The following DOK5 variants were observed in gnomAD, a reference collection of about 807,000 sequenced individuals.
DOK5 encodes docking protein 5, also known as downstream of tyrosine kinase 5.
DOK5 carries 27 observed loss-of-function variants against 43.3 expected under a neutral mutation model. The observed-to-expected ratio is 0.62, with a 90% CI of 0.46 to 0.86. DOK5 has a LOEUF of 0.86. Among genes scored for constraint, DOK5 ranks in the 40% least tolerant of loss-of-function variants. The pLI, the probability that DOK5 is intolerant of heterozygous loss-of-function variation, is 0.00. For missense variants in DOK5, 373 were observed against 392.9 expected (o/e 0.95, Z 0.43); for synonymous variants, 146 against 140.1 (o/e 1.04, Z -0.30).
intron 6 of DOK5, among the ~76,000 whole-genome samples, chr20:54,633,905 C>A (rs971814988): frequency 6.6e-6 from 1 of 152,178 alleles, no homozygotes; most frequent in Admixed American, 6.5e-5. Flanking sequence ...TACATCCTGT[C>A]GTGCTGTTCA....
chr20:54,551,368 C>T (rs1984523883), intron 1 of DOK5, among the ~76,000 whole-genome samples: 1 of 152,190 alleles, frequency 6.6e-6, no homozygotes. Context: ...TCATCCTCTT[C>T]ACAGAGTTTT....
At chr20:54,605,011 A>AT (rs1555835468) in intron 5 of DOK5, among the ~76,000 whole-genome samples, 86 of 112,060 alleles carry the variant, frequency 7.7e-4, no homozygotes, top group African/African-American at 1.7e-3. Context: ...CAAAAAAAAA[A>AT]AATATATATA....
At chr20:54,602,250 G>A (rs1986320648) in intron 5 of DOK5, among the ~76,000 whole-genome samples, 1 of 152,156 alleles carries the variant, frequency 6.6e-6, no homozygotes, top group Non-Finnish European at 1.5e-5. Context: ...TGTGTGGTTT[G>A]GGAAACCTTG....
chr20:54,486,195 A>G (rs1442238530), intron 1 of DOK5, among the ~76,000 whole-genome samples: 1 of 152,146 alleles, frequency 6.6e-6, no homozygotes, highest in Non-Finnish European at 1.5e-5. Context: ...GGTCAAGGTT[A>G]TGCCTATGGA....
intron 5 of DOK5, among the ~76,000 whole-genome samples, chr20:54,593,049 G>A (rs1986031064): frequency 6.6e-6 from 1 of 152,094 alleles, no homozygotes; most frequent in African/African-American, 2.4e-5. Flanking sequence ...CCATGTGAAT[G>A]GATAACAGTA....
intron 1 of DOK5, among the ~76,000 whole-genome samples, chr20:54,536,640 T>G (rs1342817257): frequency 6.6e-6 from 1 of 152,134 alleles, no homozygotes. Context: ...AGCAAAAGCC[T>G]GCTCTCCCTG....
At chr20:54,650,280 CCTGAG>C in intron 7 of DOK5, 130 bp from the exon 8 acceptor site, 1 of 705,016 alleles carries the variant, frequency 1.4e-6, no homozygotes, top group Admixed American at 2.5e-5. Context: ...TACATATCAT[CCTGAG>C]AGGCCTTTGG....
At chr20:54,548,686 A>C (rs998267694) in intron 1 of DOK5, among the ~76,000 whole-genome samples, 5 of 152,260 alleles carry the variant, frequency 3.3e-5, no homozygotes, top group African/African-American at 1.2e-4. Flanking sequence ...GTTACATAAA[A>C]TATAAAGACA....
chr20:54,642,548 A>C (rs139481122), intron 6 of DOK5, among the ~76,000 whole-genome samples: 25 of 88,830 alleles, frequency 2.8e-4, no homozygotes, highest in African/African-American at 8.0e-4. Context: ...TACTAAAAAT[A>C]CAAAAAAAAA....
chr20:54,570,033 T>C (rs1985233942), intron 2 of DOK5, among the ~76,000 whole-genome samples: 1 of 152,232 alleles, frequency 6.6e-6, no homozygotes, highest in African/African-American at 2.4e-5. Context: ...AAATTTTTGA[T>C]GAAAACTGAG....
intron 1 of DOK5, among the ~76,000 whole-genome samples, chr20:54,496,545 A>ATCAGGAGG (rs1169924763): frequency 1.3e-5 from 2 of 152,162 alleles, no homozygotes; most frequent in Non-Finnish European, 2.9e-5. Context: ...AGGCGGGTGG[A>ATCAGGAGG]TCAGGAGGTC....
At chr20:54,644,714 A>AAAAAAC (rs1555839808) in intron 7 of DOK5, among the ~76,000 whole-genome samples, 14,514 of 134,038 alleles carry the variant, frequency 0.11, 2,183 homozygotes, top group African/African-American at 0.33. Flanking sequence ...TCAAAAAAAA[A>AAAAAAC]AAAAAAAAAA....
At position 54,495,270 on chromosome 20, in the gene DOK5, C is replaced by CTTTA. The variant is rs1425109769; in HGVS notation, c.66+19259_66+19262dup. On this transcript the variant is annotated intron_variant, in intron 1 of 7. Transcript: ENST00000262593. ...ATTTCTGTGCCTTAAAGAAATGTTA[C>CTTTA]TTTAGCTTTTCTTGCTTCAATGGCC... The CTTTA allele has an allele frequency of 2.6e-5, 4 of 152,290 alleles. No homozygotes were observed. In the East Asian group the frequency reaches 7.7e-4, roughly 29 times the overall value. The allele number at this position is 152,290 out of a possible 1,614,324, so 9.4% of individuals were successfully genotyped here.
chr20:54,491,681 CTG>C (rs2146668617), intron 1 of DOK5, among the ~76,000 whole-genome samples: 1 of 152,294 alleles, frequency 6.6e-6, no homozygotes, highest in African/African-American at 2.4e-5. Flanking sequence ...GGAAGGGTGA[CTG>C]TGGTTGTGAA....
Position 54,554,998 on chromosome 20 carries a change from A to G in DOK5, c.132A>G (p.Lys44=). 1.2e-6 allele frequency: 2 copies of G among 1,613,936 alleles called. No homozygotes were observed. The highest frequency in any genetic ancestry group is 8.5e-7 in the Non-Finnish European group (1 of 1,179,866). The change falls in exon 2 of 8, where the codon AAA becomes AAG. Residue 44 remains lysine (K), a synonymous_variant. Coordinates refer to ENST00000262593, the MANE Select transcript of DOK5 (RefSeq NM_018431.5). ...ASSKGPKRLE[K]FSDERAAYFR... is the part of the protein sequence containing the mutation. ...GCAAAGGTCCAAAAAGACTGGAGAA[A>G]TTTTCTGATGAACGTGCTGCATATT...
intron 2 of DOK5, among the ~76,000 whole-genome samples, chr20:54,557,770 G>GAGGC (rs1984762945): frequency 6.6e-6 from 1 of 152,188 alleles, no homozygotes; most frequent in Admixed American, 6.5e-5. Flanking sequence ...TCCTCTAAGA[G>GAGGC]AGGCCATTTC....
At chr20:54,645,814 T>C (rs1486102980) in intron 7 of DOK5, among the ~76,000 whole-genome samples, 1 of 151,918 alleles carries the variant, frequency 6.6e-6, no homozygotes, top group East Asian at 1.9e-4. Context: ...TCCATCAGGA[T>C]TTGTCGAAAG....
chr20:54,592,589 G>A (rs62214433), intron 5 of DOK5, among the ~76,000 whole-genome samples: 9,614 of 151,106 alleles, frequency 0.064, 344 homozygotes, highest in Middle Eastern at 0.097. Flanking sequence ...ACCCAGGCTG[G>A]AGTGTAGGTG....
chr20:54,510,088 T>C (rs1982963392), intron 1 of DOK5, among the ~76,000 whole-genome samples: 1 of 152,158 alleles, frequency 6.6e-6, no homozygotes, highest in African/African-American at 2.4e-5. Context: ...CTGCACATCC[T>C]GCACATGTAC....
Sources: gnomAD v4.1 joint callset for allele counts (sites outside exome capture counted in the v4.1 genomes callset) on GRCh38, gnomAD v4.1.1 for gene constraint, MANE v1.5 for transcripts, NCBI Gene and HGNC (gene_info 2026-07-23, HGNC 2026-07-21) for gene names.